The following ARID4B variants were observed in gnomAD, a reference collection of about 807,000 sequenced individuals.
The protein encoded by ARID4B is AT-rich interaction domain 4B.
Under a neutral mutation model 147.5 loss-of-function variants are expected in ARID4B, and 26 were observed. The observed-to-expected ratio is 0.18, with a 90% confidence interval of 0.13 to 0.24. ARID4B has a LOEUF of 0.24. Ranked by LOEUF, ARID4B falls within the 10% of genes least tolerant of loss-of-function variation. The probability of loss-of-function intolerance (pLI) is 1.00; values close to 1 mark genes in which losing one functional copy is unlikely to be tolerated. For synonymous variants in ARID4B, 512 were observed against 507.9 expected (o/e 1.01, Z -0.11); for missense variants, 1,179 against 1,511.5 (o/e 0.78, Z 3.65).
chr1:235,284,818 C>G (rs1301469343), intron 2 of ARID4B, among the ~76,000 whole-genome samples: 1 of 152,104 alleles, frequency 6.6e-6, no homozygotes, highest in African/African-American at 2.4e-5. Context: ...TGCTTGAGGC[C>G]AGGAGCTCAA....
At chr1:235,224,892 C>A in intron 11 of ARID4B, 117 bp from the exon 12 acceptor site, 2 of 685,188 alleles carry the variant, frequency 2.9e-6, no homozygotes, top group South Asian at 2.0e-5. Flanking sequence ...AGGCTTTTTA[C>A]GTAATCAAAG....
chr1:235,299,323 C>T (rs1672967165), intron 2 of ARID4B, among the ~76,000 whole-genome samples: 1 of 152,166 alleles, frequency 6.6e-6, no homozygotes, highest in African/African-American at 2.4e-5. Flanking sequence ...AAACGATTCT[C>T]CTGCCTCAGC....
intron 2 of ARID4B, among the ~76,000 whole-genome samples, chr1:235,324,492 C>T (rs1675083313): frequency 6.6e-6 from 1 of 152,184 alleles, no homozygotes; most frequent in East Asian, 1.9e-4. Context: ...CTTTCAATCA[C>T]CTCAATAAAC....
intron 17 of ARID4B, among the ~76,000 whole-genome samples, chr1:235,202,481 G>C (rs1038753710): frequency 2.7e-5 from 4 of 148,738 alleles, no homozygotes; most frequent in African/African-American, 5.0e-5. Flanking sequence ...ACATATGCAT[G>C]ATAAACTCAT....
intron 13 of ARID4B, among the ~76,000 whole-genome samples, chr1:235,222,840 G>A (rs72756069): frequency 0.13 from 19,907 of 151,788 alleles, 1,517 homozygotes; most frequent in African/African-American, 0.2. Flanking sequence ...GCGTCACCAC[G>A]TCTGGCTGAT....
At chr1:235,323,763 A>G in intron 2 of ARID4B, among the ~76,000 whole-genome samples, 1 of 151,890 alleles carries the variant, frequency 6.6e-6, no homozygotes, top group East Asian at 1.9e-4. Flanking sequence ...CGGCCTGGGC[A>G]ACAAGAGCAA....
At position 235,175,174 on chromosome 1, in the gene ARID4B, T is replaced by C; in HGVS notation, c.3664+10A>G. ...AGTTTGTATGCTTGTCAATTTAACA[T>C]GTCACTTACACATCTGAAAACTCCA... On this transcript the variant is annotated intron_variant, in intron 22 of 23. Transcript: ENST00000264183. 3 of 1,605,518 alleles carry C rather than the reference T, an allele frequency of 1.9e-6. No individual in the cohort carries two copies. The highest frequency in any genetic ancestry group is 2.6e-6 in the Non-Finnish European group (3 of 1,172,498).
At chr1:235,264,101 G>A (rs1028733991) in intron 2 of ARID4B, among the ~76,000 whole-genome samples, 1 of 152,168 alleles carries the variant, frequency 6.6e-6, no homozygotes, top group Non-Finnish European at 1.5e-5. Context: ...AGAAAAAGCA[G>A]TGATCTGTGT....
At chr1:235,234,005 G>C (rs1668403964) in intron 9 of ARID4B, among the ~76,000 whole-genome samples, 1 of 152,126 alleles carries the variant, frequency 6.6e-6, no homozygotes, top group Non-Finnish European at 1.5e-5. Context: ...CTTGAACCCA[G>C]GAGGCAGAGG....
In ARID4B at chr1:235,189,146, A is replaced by G. The variant is rs138494691; in HGVS notation, c.2125+4867T>C. 3.6e-3 allele frequency among the ~76,000 whole-genome samples: 542 copies of G among 152,320 alleles called. 2 individuals carry two copies. The highest frequency in any genetic ancestry group is 0.024 in the Middle Eastern group (7 of 294). On this transcript the variant is annotated intron_variant, in intron 19 of 23. Coordinates refer to ENST00000264183, the MANE Select transcript of ARID4B (RefSeq NM_016374.6). ...CTGGGCGCAGTGGCTCACGCCTATA[A>G]TCCCAGCACTGTGGGAGGCTGAGGC... is the stretch of plus-strand genomic sequence containing the variant.
At chr1:235,316,623 A>G (rs1009794547) in intron 2 of ARID4B, among the ~76,000 whole-genome samples, 2 of 152,194 alleles carry the variant, frequency 1.3e-5, no homozygotes, top group Non-Finnish European at 2.9e-5. Context: ...TCGAGAGACC[A>G]GCCTGGCCAA....
intron 8 of ARID4B, among the ~76,000 whole-genome samples, 174 bp from the exon 9 acceptor site, chr1:235,234,666 G>A (rs1668450243): frequency 6.6e-6 from 1 of 152,156 alleles, no homozygotes; most frequent in Non-Finnish European, 1.5e-5. Context: ...TTTTAAATTG[G>A]CATCCTACAT....
chr1:235,233,626 C>T (rs1295242896), intron 9 of ARID4B, among the ~76,000 whole-genome samples: 1 of 152,148 alleles, frequency 6.6e-6, no homozygotes, highest in Non-Finnish European at 1.5e-5. Flanking sequence ...TTTCTTAACA[C>T]TTACCATCCA....
intron 2 of ARID4B, among the ~76,000 whole-genome samples, chr1:235,323,040 CTTTTT>C (rs779535005): frequency 7.2e-6 from 1 of 139,242 alleles, no homozygotes; most frequent in African/African-American, 2.6e-5. Flanking sequence ...ATATAACCAC[CTTTTT>C]TTTTTTTTTT....
intron 17 of ARID4B, among the ~76,000 whole-genome samples, chr1:235,202,620 G>A (rs892289306): frequency 6.6e-6 from 1 of 151,392 alleles, no homozygotes; most frequent in Non-Finnish European, 1.5e-5. Flanking sequence ...TGCGATCTCA[G>A]CTCACTGCAA....
At position 235,250,104 on chromosome 1, in the gene ARID4B, C is replaced by T. The variant is rs937408868; in HGVS notation, c.354+2626G>A. ...CCTGGGCAACAGAGCGAGACTCCGT[C>T]TCAAAAAATAATAATAATAATAATA... On this transcript the variant is annotated intron_variant, in intron 6 of 23. Transcript: ENST00000264183. Among the ~76,000 whole-genome samples the T allele has an allele frequency of 1.3e-4, 19 of 151,828 alleles. No homozygotes were observed. In the East Asian group the frequency reaches 3.5e-3, roughly 28 times the overall value.
intron 1 of ARID4B, 168 bp from the exon 2 acceptor site, chr1:235,327,136 A>G (rs1675337722): frequency 3.4e-6 from 2 of 580,448 alleles, no homozygotes; most frequent in East Asian, 5.9e-5. Context: ...CGGCCCCGCC[A>G]TCCCCGCAAA....
At chr1:235,174,685 G>A (rs958762524) in intron 22 of ARID4B, among the ~76,000 whole-genome samples, 2 of 151,892 alleles carry the variant, frequency 1.3e-5, no homozygotes, top group Non-Finnish European at 2.9e-5. Flanking sequence ...GGTGGTGGGC[G>A]TCTGTAATCC....
intron 6 of ARID4B, 49 bp from the exon 7 acceptor site, chr1:235,246,560 C>T (rs371830446): frequency 1.5e-6 from 2 of 1,330,014 alleles, no homozygotes; most frequent in Admixed American, 1.7e-5. Flanking sequence ...TTTGCAAGTG[C>T]CTTCTTTGTT....
Sources: allele counts gnomAD v4.1 joint callset (sites outside exome capture counted in the v4.1 genomes callset), GRCh38; gene constraint gnomAD v4.1.1; transcripts MANE v1.5; gene names NCBI Gene and HGNC (gene_info 2026-07-23, HGNC 2026-07-21).